The following MEF2C variants were observed in gnomAD, a reference collection of about 807,000 sequenced individuals.
The protein encoded by MEF2C is myocyte enhancer factor 2C.
A neutral mutation model predicts 50.5 loss-of-function variants in MEF2C; 6 were observed. That is an observed-to-expected ratio of 0.12 (90% confidence interval 0.07 to 0.23). The LOEUF is 0.23. Among genes scored for constraint, MEF2C ranks in the 10% least tolerant of loss-of-function variants. MEF2C has a pLI of 1.00. For synonymous variants in MEF2C, 183 were observed against 228.0 expected, an observed-to-expected ratio of 0.80 and a Z score of 1.78; for missense variants, 276 against 605.0, an observed-to-expected ratio of 0.46 and a Z score of 5.70.
intron 2 of MEF2C, among the ~76,000 whole-genome samples, chr5:88,814,725 A>G (rs1236522081): frequency 6.6e-6 from 1 of 152,086 alleles, no homozygotes; most frequent in African/African-American, 2.4e-5. Context: ...AAAATAATAA[A>G]TCACAGTTAG....
chr5:88,786,690 CAT>C (rs938084358), intron 3 of MEF2C, among the ~76,000 whole-genome samples: 1 of 151,998 alleles, frequency 6.6e-6, no homozygotes, highest in Non-Finnish European at 1.5e-5. Flanking sequence ...ATACATACTA[CAT>C]ATATGTGTGT....
intron 1 of MEF2C, among the ~76,000 whole-genome samples, chr5:88,856,775 C>G (rs939749812): frequency 6.6e-6 from 1 of 152,254 alleles, no homozygotes; most frequent in Admixed American, 6.5e-5. Context: ...TTGGGAATCT[C>G]TACCCAGATT....
At chr5:88,726,765 A>G (rs1308438285) in intron 10 of MEF2C, among the ~76,000 whole-genome samples, 2 of 152,156 alleles carry the variant, frequency 1.3e-5, no homozygotes, top group Non-Finnish European at 1.5e-5. Flanking sequence ...TGAAACCTCT[A>G]TTAGAGGCAG....
intron 9 of MEF2C, 64 bp from the exon 10 acceptor site, chr5:88,728,692 G>C: frequency 1.4e-5 from 16 of 1,166,596 alleles, no homozygotes; most frequent in Non-Finnish European, 1.8e-5. Context: ...ATGGTAAATA[G>C]AATAAACATT....
intron 1 of MEF2C, among the ~76,000 whole-genome samples, chr5:88,861,592 G>C (rs569012677): frequency 1.2e-4 from 18 of 152,264 alleles, no homozygotes; most frequent in African/African-American, 4.3e-4. Context: ...AGATTTATAA[G>C]TTAAAATCAC....
At chr5:88,806,021 T>C (rs1562140968) in intron 2 of MEF2C, among the ~76,000 whole-genome samples, 1 of 151,948 alleles carries the variant, frequency 6.6e-6, no homozygotes, top group Non-Finnish European at 1.5e-5. Context: ...CATTGGTATA[T>C]GAAAGGCTAT....
chr5:88,761,444 AT>A, intron 3 of MEF2C, 116 bp from the exon 4 acceptor site: 1 of 1,235,320 alleles, frequency 8.1e-7, no homozygotes, highest in Non-Finnish European at 1.1e-6. Flanking sequence ...GCTTTATTCT[AT>A]TAGGGAAGAG....
intron 1 of MEF2C, among the ~76,000 whole-genome samples, chr5:88,827,726 G>A (rs1177254840): frequency 6.6e-6 from 1 of 151,690 alleles, no homozygotes; most frequent in East Asian, 1.9e-4. Flanking sequence ...CCTTACAAAA[G>A]TCATCGTACA....
At chr5:88,724,807 T>C (rs1757971804) in intron 10 of MEF2C, among the ~76,000 whole-genome samples, 1 of 152,152 alleles carries the variant, frequency 6.6e-6, no homozygotes, top group Non-Finnish European at 1.5e-5. Flanking sequence ...TTTTGATTTC[T>C]GGAATAAAGA....
intron 1 of MEF2C, among the ~76,000 whole-genome samples, chr5:88,900,672 AT>A (rs1369491069): frequency 6.6e-6 from 1 of 152,004 alleles, no homozygotes; most frequent in African/African-American, 2.4e-5. Flanking sequence ...AAGGTATTAA[AT>A]TTGGTGACTG....
chr5:88,810,538 A>G (rs1178899169), intron 2 of MEF2C, among the ~76,000 whole-genome samples: 1 of 152,150 alleles, frequency 6.6e-6, no homozygotes, highest in African/African-American at 2.4e-5. Context: ...TTGTTCAGCA[A>G]AAATGTACTG....
At chr5:88,769,805 TG>T in intron 3 of MEF2C, 1 of 199,478 alleles carries the variant, frequency 5.0e-6, no homozygotes, top group Non-Finnish European at 9.0e-6. Flanking sequence ...CCATCAAGTC[TG>T]GCTAATTTTT....
At chr5:88,897,618 T>C (rs927133955) in intron 1 of MEF2C, among the ~76,000 whole-genome samples, 1 of 152,234 alleles carries the variant, frequency 6.6e-6, no homozygotes, top group Admixed American at 6.5e-5. Flanking sequence ...TGATTTTTTT[T>C]CTGGCTTTTC....
At chr5:88,868,869 T>A (rs1004306305) in intron 1 of MEF2C, among the ~76,000 whole-genome samples, 7 of 152,260 alleles carry the variant, frequency 4.6e-5, no homozygotes, top group African/African-American at 1.2e-4. Flanking sequence ...GAATTGTTCT[T>A]TATGATTCAT....
intron 2 of MEF2C, among the ~76,000 whole-genome samples, chr5:88,811,812 A>G (rs1032831801): frequency 6.6e-6 from 1 of 152,148 alleles, no homozygotes; most frequent in Non-Finnish European, 1.5e-5. Context: ...ATTTTAAAGA[A>G]ACAGGATACA....
chr5:88,861,003 T>C (rs1825314676), intron 1 of MEF2C, among the ~76,000 whole-genome samples: 1 of 152,190 alleles, frequency 6.6e-6, no homozygotes, highest in Non-Finnish European at 1.5e-5. Context: ...TCTTTAGAAA[T>C]GCCGATAATT....
chr5:88,752,819 C>A, intron 4 of MEF2C: 1 of 947,662 alleles, frequency 1.1e-6, no homozygotes, highest in Non-Finnish European at 1.3e-6. Flanking sequence ...TCAATTTAAG[C>A]AAAATCATGT....
intron 3 of MEF2C, among the ~76,000 whole-genome samples, chr5:88,790,399 C>T (rs931685870): frequency 3.3e-5 from 5 of 152,178 alleles, no homozygotes; most frequent in Non-Finnish European, 5.9e-5. Context: ...GGATCCTGGG[C>T]CCTGCCCTAT....
chr5:88,837,024 A>G (rs1384613570), intron 1 of MEF2C, among the ~76,000 whole-genome samples: 10 of 150,628 alleles, frequency 6.6e-5, no homozygotes, highest in African/African-American at 2.4e-4. Flanking sequence ...AAAAAAAAAA[A>G]GTCAGGAAAT....
Sources: gnomAD v4.1 joint callset for allele counts (sites outside exome capture counted in the v4.1 genomes callset) on GRCh38, gnomAD v4.1.1 for gene constraint, MANE v1.5 for transcripts, NCBI Gene and HGNC (gene_info 2026-07-23, HGNC 2026-07-21) for gene names.